The following SHISA6 variants were observed in gnomAD, a reference collection of about 807,000 sequenced individuals.
SHISA6 encodes the protein protein shisa-6.
In SHISA6, 22 loss-of-function variants were observed where a neutral mutation model predicts 47.9. The observed-to-expected ratio is 0.46, with a 90% CI of 0.33 to 0.66. SHISA6 has a LOEUF of 0.66. Ranked by LOEUF, SHISA6 falls within the 30% of genes least tolerant of loss-of-function variation. SHISA6 has a pLI of 0.02. For missense variants in SHISA6, 680 were observed against 764.6 expected (o/e 0.89, Z 1.30); for synonymous variants, 388 against 337.8 (o/e 1.15, Z -1.63).
rs183050063 is a variant in SHISA6, at chr17:11,291,109, G to A, written c.799+27583G>A. Reference sequence around the variant, plus strand: ...CAGAAACTTCCAGGTGACATGCACAGTAGTGGGCGATTCGAGGGGTAGTGA... The same window carrying A: ...CAGAAACTTCCAGGTGACATGCACAATAGTGGGCGATTCGAGGGGTAGTGA... On this transcript the variant is annotated intron_variant, in intron 2 of 5. Coordinates refer to ENST00000441885, the MANE Select transcript of SHISA6 (RefSeq NM_207386.4). Among the ~76,000 whole-genome samples the A allele has an allele frequency of 3.4e-3, 523 of 152,090 alleles. 5 individuals are homozygous for A. Among genetic ancestry groups the A allele is most frequent in the Non-Finnish European group, 5.0e-3 (341 of 68,008 alleles).
At chr17:11,428,434 C>A (rs1458956900) in intron 3 of SHISA6, among the ~76,000 whole-genome samples, 1 of 152,210 alleles carries the variant, frequency 6.6e-6, no homozygotes, top group East Asian at 1.9e-4. Context: ...AATGCAAGGT[C>A]TGTCCTTGTT....
chr17:11,458,409 C>G (rs1425599029), intron 3 of SHISA6, among the ~76,000 whole-genome samples: 2 of 152,156 alleles, frequency 1.3e-5, no homozygotes, highest in African/African-American at 4.8e-5. Context: ...ATAAAGAAAG[C>G]TCAATATCCC....
chr17:11,540,926 C>T (rs951052713), intron 3 of SHISA6, among the ~76,000 whole-genome samples: 6 of 152,146 alleles, frequency 3.9e-5, no homozygotes, highest in Non-Finnish European at 8.8e-5. Flanking sequence ...GTGTCTTCTG[C>T]GGAGCACAGA....
At chr17:11,359,828 C>T (rs1418524499) in intron 2 of SHISA6, among the ~76,000 whole-genome samples, 2 of 152,124 alleles carry the variant, frequency 1.3e-5, no homozygotes, top group Non-Finnish European at 2.9e-5. Flanking sequence ...ACAAGAATCT[C>T]CAGGCCTACA....
At chr17:11,554,156 G>T (rs2142389303) in intron 4 of SHISA6, among the ~76,000 whole-genome samples, 1 of 152,306 alleles carries the variant, frequency 6.6e-6, no homozygotes, top group Non-Finnish European at 1.5e-5. Context: ...AAAGTGAAGA[G>T]ACAAGTGCTG....
intron 3 of SHISA6, among the ~76,000 whole-genome samples, chr17:11,399,129 T>G (rs766882019): frequency 3.9e-5 from 6 of 152,198 alleles, no homozygotes; most frequent in Non-Finnish European, 8.8e-5. Context: ...TAATTAAGGC[T>G]GGGGCTGTCT....
intron 2 of SHISA6, among the ~76,000 whole-genome samples, chr17:11,328,851 G>T (rs959802757): frequency 6.6e-6 from 1 of 152,196 alleles, no homozygotes; most frequent in South Asian, 2.1e-4. Context: ...CTCTAAGGAG[G>T]TGAGGTTTTC....
intron 3 of SHISA6, among the ~76,000 whole-genome samples, chr17:11,476,870 A>G (rs1916064070): frequency 6.6e-6 from 1 of 152,124 alleles, no homozygotes; most frequent in Admixed American, 6.6e-5. Context: ...AATGTCTCCA[A>G]CTGTAACAGT....
intron 3 of SHISA6, among the ~76,000 whole-genome samples, chr17:11,382,167 G>A (rs989712974): frequency 2.0e-5 from 3 of 151,956 alleles, no homozygotes; most frequent in African/African-American, 7.3e-5. Context: ...CGAACTCCTG[G>A]GCTCAAGTGA....
Position 11,555,821 on chromosome 17 carries a change from C to T in SHISA6, c.1034C>T (p.Ala345Val). 2 of 1,551,688 alleles carry T rather than the reference C, an allele frequency of 1.3e-6. No individual in the cohort carries two copies. The highest frequency in any genetic ancestry group is 1.7e-6 in the Non-Finnish European group (2 of 1,146,920). ...TTCTCCCGCTCGTTCCAGAACTTGGCCCACCTGCCCCCATCCTACGAGTCT... is the reference window on the plus strand; with the variant it reads ...TTCTCCCGCTCGTTCCAGAACTTGGTCCACCTGCCCCCATCCTACGAGTCT... Reference protein sequence around the residue: ...LSFSRSFQNLAHLPPSYESAV... With the variant: ...LSFSRSFQNLVHLPPSYESAV... Residue 345 changes from alanine (A) to valine (V), a missense_variant, in exon 5 of 6, where the codon GCC becomes GTC. Physicochemically the swap from Ala to Val is moderately conservative, Grantham distance 64. Transcript: ENST00000441885.
chr17:11,469,118 C>T (rs530043004), intron 3 of SHISA6, among the ~76,000 whole-genome samples: 1 of 151,192 alleles, frequency 6.6e-6, no homozygotes, highest in Non-Finnish European at 1.5e-5. Flanking sequence ...AATGAACCCT[C>T]TGTGGTAGCA....
intron 2 of SHISA6, among the ~76,000 whole-genome samples, chr17:11,305,295 A>G (rs933183625): frequency 7.2e-5 from 11 of 152,244 alleles, no homozygotes; most frequent in African/African-American, 2.7e-4. Flanking sequence ...ATCTTTGTAC[A>G]ACCCTTTTAA....
intron 3 of SHISA6, among the ~76,000 whole-genome samples, chr17:11,498,986 A>T: frequency 6.6e-6 from 1 of 151,752 alleles, no homozygotes; most frequent in East Asian, 1.9e-4. Flanking sequence ...AGAGCGAGGC[A>T]GAGGTGGAAG....
intron 2 of SHISA6, among the ~76,000 whole-genome samples, chr17:11,287,976 C>G (rs965610072): frequency 6.6e-6 from 1 of 152,074 alleles, no homozygotes; most frequent in Admixed American, 6.5e-5. Flanking sequence ...CACCCAACTT[C>G]AAAAATTGTC....
chr17:11,510,400 C>G (rs936643801), intron 3 of SHISA6, among the ~76,000 whole-genome samples: 2 of 152,066 alleles, frequency 1.3e-5, no homozygotes, highest in Non-Finnish European at 2.9e-5. Flanking sequence ...TCAGTTAAAG[C>G]CTTTCCAAGT....
chr17:11,428,774 ACTTT>A (rs1914666925), intron 3 of SHISA6, among the ~76,000 whole-genome samples: 1 of 137,260 alleles, frequency 7.3e-6, no homozygotes, highest in Non-Finnish European at 1.6e-5. Context: ...GGCAGGATCC[ACTTT>A]CTTTTTTTTT....
chr17:11,397,768 C>A (rs1374276750), intron 3 of SHISA6, among the ~76,000 whole-genome samples: 1 of 147,768 alleles, frequency 6.8e-6, no homozygotes, highest in Non-Finnish European at 1.5e-5. Context: ...GAATTTTTTT[C>A]TTTCTCTTTG....
intron 2 of SHISA6, among the ~76,000 whole-genome samples, chr17:11,323,559 C>G (rs572407998): frequency 6.6e-6 from 1 of 152,128 alleles, no homozygotes; most frequent in East Asian, 1.9e-4. Flanking sequence ...GAGGCTGAGG[C>G]AGGAGAATCT....
intron 2 of SHISA6, among the ~76,000 whole-genome samples, chr17:11,266,577 A>G (rs1254151527): frequency 1.3e-5 from 2 of 152,206 alleles, no homozygotes; most frequent in East Asian, 1.9e-4. Context: ...ATTGAAGCCA[A>G]TCATACCTGT....
Sources: allele counts gnomAD v4.1 joint callset (sites outside exome capture counted in the v4.1 genomes callset), GRCh38; gene constraint gnomAD v4.1.1; transcripts MANE v1.5; gene names NCBI Gene and HGNC (gene_info 2026-07-23, HGNC 2026-07-21).